JMJD1C: variants seen among roughly 807,000 people sequenced by gnomAD.
The protein encoded by JMJD1C is jumonji domain-containing protein 1C.
Under a neutral mutation model 245.3 loss-of-function variants are expected in JMJD1C, and 31 were observed. The ratio of observed to expected loss-of-function variants is 0.13; its 90% CI spans 0.09 to 0.17. The LOEUF is 0.17. Among genes scored for constraint, JMJD1C ranks in the 10% least tolerant of loss-of-function variants. JMJD1C has a pLI of 1.00. For synonymous variants in JMJD1C, 1,057 were observed against 1,017.4 expected, an observed-to-expected ratio of 1.04 and a Z score of -0.74; for missense variants, 2,691 against 3,000.2, an observed-to-expected ratio of 0.90 and a Z score of 2.41.
chr10:63,435,389 C>A (rs1951004137), intron 1 of JMJD1C, among the ~76,000 whole-genome samples: 1 of 151,898 alleles, frequency 6.6e-6, no homozygotes, highest in South Asian at 2.1e-4. Context: ...CTGAATAAAT[C>A]AAATAAGTAG....
Position 63,214,788 on chromosome 10 carries a change from A to G in JMJD1C, c.1379T>C (p.Met460Thr), listed in dbSNP as rs151186255. The part of the protein sequence containing the change: ...KSVDTQLQED[M>T]IIHSSEQSTV... ...GGACTGTTCTGACGAATGAATAATCATATCTTCTTGAAGCTGAGTGTCAAC... is the reference window on the plus strand; with the variant it reads ...GGACTGTTCTGACGAATGAATAATCGTATCTTCTTGAAGCTGAGTGTCAAC... The change falls in exon 8 of 26, where the codon ATG (methionine) becomes ACG (threonine). Residue 460 changes from methionine (M) to threonine (T), a missense_variant. This residue lies in a region of JMJD1C where 1,562 missense variants were observed against 1,490.7 expected (regional missense o/e 1.05). Transcript: ENST00000399262. 8,098 of 1,613,670 alleles carry G rather than the reference A, an allele frequency of 5.0e-3. 270 individuals are homozygous for G. Among genetic ancestry groups the G allele is most frequent in the East Asian group, 0.039 (1,760 of 44,858 alleles).
At chr10:63,202,304 T>C in intron 10 of JMJD1C, 1 of 984,880 alleles carries the variant, frequency 1.0e-6, no homozygotes, top group Non-Finnish European at 1.2e-6. Context: ...AATTAGTTGT[T>C]GGCTCTAACT....
chr10:63,382,387 C>G (rs943131864), intron 1 of JMJD1C, among the ~76,000 whole-genome samples: 46 of 151,966 alleles, frequency 3.0e-4, no homozygotes, highest in African/African-American at 9.7e-4. Context: ...GTCAATGGTA[C>G]AAAGATGGCT....
intron 1 of JMJD1C, among the ~76,000 whole-genome samples, chr10:63,435,670 C>T (rs775316304): frequency 2.6e-5 from 4 of 152,068 alleles, no homozygotes; most frequent in African/African-American, 4.8e-5. Flanking sequence ...GAGGCTGAGG[C>T]GCGTGGACTG....
chr10:63,408,370 T>C (rs564867020), intron 1 of JMJD1C, among the ~76,000 whole-genome samples: 30 of 151,628 alleles, frequency 2.0e-4, no homozygotes, highest in South Asian at 6.3e-4. Context: ...GCCATTGCAC[T>C]CCAGCCTGGG....
At chr10:63,306,641 G>A (rs759927929) in intron 2 of JMJD1C, among the ~76,000 whole-genome samples, 41 of 151,834 alleles carry the variant, frequency 2.7e-4, no homozygotes, top group Admixed American at 1.4e-3. Context: ...TAAATATTTC[G>A]AAACTAAAAA....
At chr10:63,304,113 T>C (rs926596772) in intron 2 of JMJD1C, among the ~76,000 whole-genome samples, 1 of 152,200 alleles carries the variant, frequency 6.6e-6, no homozygotes, top group African/African-American at 2.4e-5. Flanking sequence ...TGGCAGTATC[T>C]TTCTATCAGA....
At chr10:63,335,290 ACCC>A (rs1359275033) in intron 2 of JMJD1C, among the ~76,000 whole-genome samples, 3 of 152,164 alleles carry the variant, frequency 2.0e-5, no homozygotes, top group African/African-American at 7.2e-5. Flanking sequence ...CAACCTGGAT[ACCC>A]TGTTTAAAAA....
At chr10:63,224,101 A>C (rs939267199) in intron 3 of JMJD1C, among the ~76,000 whole-genome samples, 12 of 152,198 alleles carry the variant, frequency 7.9e-5, no homozygotes, top group Admixed American at 6.5e-4. Context: ...CAAGATCATT[A>C]AACAATATAC....
chr10:63,436,305 G>GT (rs1951055855), intron 1 of JMJD1C, among the ~76,000 whole-genome samples: 1 of 152,162 alleles, frequency 6.6e-6, no homozygotes, highest in African/African-American at 2.4e-5. Flanking sequence ...TTATGTTAAT[G>GT]TAACAGTTTC....
At chr10:63,505,463 A>G (rs896064671) in intron 1 of JMJD1C, among the ~76,000 whole-genome samples, 5 of 152,136 alleles carry the variant, frequency 3.3e-5, no homozygotes, top group Non-Finnish European at 7.4e-5. Context: ...GATTTTAGAG[A>G]TGGACAAGTA....
intron 2 of JMJD1C, among the ~76,000 whole-genome samples, chr10:63,277,320 T>C (rs1358914638): frequency 1.4e-5 from 2 of 146,968 alleles, no homozygotes; most frequent in South Asian, 2.1e-4. Context: ...CTTTTAAGGG[T>C]TGGTGTCTAC....
At chr10:63,363,677 C>T (rs572939170) in intron 2 of JMJD1C, among the ~76,000 whole-genome samples, 1 of 152,094 alleles carries the variant, frequency 6.6e-6, no homozygotes, top group East Asian at 1.9e-4. Context: ...CCTCTGATGA[C>T]ATTTAGATTT....
At chr10:63,500,526 G>T (rs1176720229) in intron 1 of JMJD1C, among the ~76,000 whole-genome samples, 1 of 152,014 alleles carries the variant, frequency 6.6e-6, no homozygotes, top group Non-Finnish European at 1.5e-5. Context: ...TTGAGGTCAG[G>T]AGTTCGAGAC....
intron 2 of JMJD1C, among the ~76,000 whole-genome samples, chr10:63,324,084 T>A (rs1054379608): frequency 4.8e-4 from 69 of 144,214 alleles, no homozygotes; most frequent in Middle Eastern, 7.1e-3. Flanking sequence ...GGATGGACAA[T>A]ATCTGCCCAA....
chr10:63,493,627 C>A (rs569837299), intron 1 of JMJD1C, among the ~76,000 whole-genome samples: 6 of 152,088 alleles, frequency 3.9e-5, no homozygotes, highest in African/African-American at 1.4e-4. Flanking sequence ...TAATTACAGG[C>A]GTGAGCCACC....
chr10:63,201,449 GA>G (rs558563719), intron 10 of JMJD1C, among the ~76,000 whole-genome samples: 17 of 150,866 alleles, frequency 1.1e-4, no homozygotes, highest in East Asian at 1.9e-4. Flanking sequence ...TCTAATATGT[GA>G]AAAAAAAATC....
At chr10:63,400,993 G>A (rs1415294701) in intron 1 of JMJD1C, among the ~76,000 whole-genome samples, 2 of 143,042 alleles carry the variant, frequency 1.4e-5, no homozygotes, top group African/African-American at 6.1e-5. Context: ...TGAGTAGCTG[G>A]ATTTACAGGT....
intron 22 of JMJD1C, 148 bp from the exon 23 acceptor site, chr10:63,178,004 G>C: frequency 2.7e-6 from 2 of 740,800 alleles, no homozygotes; most frequent in Non-Finnish European, 4.3e-6. Context: ...GCAGTGGCAT[G>C]ATCTTGGCTC....
Sources: allele counts gnomAD v4.1 joint callset (sites outside exome capture counted in the v4.1 genomes callset), GRCh38; gene constraint gnomAD v4.1.1; regional missense constraint gnomAD v4.1.1; transcripts MANE v1.5; gene names NCBI Gene and HGNC (gene_info 2026-07-23, HGNC 2026-07-21).